Variants in DMD observed in about 807,000 individuals in gnomAD.
DMD encodes the protein mutant dystrophin.
In DMD, 63 loss-of-function variants were observed where a neutral mutation model predicts 330.1. The ratio of observed to expected loss-of-function variants is 0.19; its 90% confidence interval spans 0.16 to 0.24. The LOEUF is 0.24. Among genes scored for constraint, DMD ranks in the 10% least tolerant of loss-of-function variants. The probability of loss-of-function intolerance (pLI) is 1.00; values close to 1 mark genes in which losing one functional copy is unlikely to be tolerated. For missense variants in DMD, 3,344 were observed against 2,684.1 expected, an observed-to-expected ratio of 1.25 and a Z score of -5.43; for synonymous variants, 1,223 against 959.8, an observed-to-expected ratio of 1.27 and a Z score of -5.07.
intron 12 of DMD, among the ~76,000 whole-genome samples, chrX:32,607,429 T>A (rs1231130258): frequency 9.9e-6 from 1 of 101,077 alleles, no homozygotes; most frequent in Non-Finnish European, 2.1e-5. Flanking sequence ...AGTGCTTTTT[T>A]AGTCTTACTA....
intron 7 of DMD, among the ~76,000 whole-genome samples, chrX:32,745,721 G>A (rs1189786963): frequency 8.9e-6 from 1 of 111,964 alleles, no homozygotes; most frequent in East Asian, 2.8e-4. Context: ...GTTTTCTCGA[G>A]GTAGTCATAA....
intron 57 of DMD, among the ~76,000 whole-genome samples, chrX:31,485,342 G>A (rs1375258884): frequency 5.4e-5 from 6 of 110,959 alleles, no homozygotes; most frequent in Admixed American, 9.6e-5. Flanking sequence ...CTACAGGCAC[G>A]CGCCACCACA....
intron 12 of DMD, among the ~76,000 whole-genome samples, chrX:32,597,271 T>G (rs1213966780): frequency 8.9e-6 from 1 of 111,905 alleles, no homozygotes; most frequent in African/African-American, 3.3e-5. Flanking sequence ...CACTACTCAA[T>G]AATTTCTTAT....
chrX:32,676,693 A>G (rs2061993855), intron 9 of DMD, among the ~76,000 whole-genome samples: 1 of 111,709 alleles, frequency 9.0e-6, no homozygotes, highest in African/African-American at 3.2e-5. Flanking sequence ...TTACAAGCTC[A>G]GTTAACATTC....
At chrX:33,123,459 C>T (rs1049691691) in intron 1 of DMD, among the ~76,000 whole-genome samples, 1 of 111,157 alleles carries the variant, frequency 9.0e-6, no homozygotes, top group Non-Finnish European at 1.9e-5. Context: ...CTCTGTCGCC[C>T]AGGCTGGAGT....
At chrX:31,362,302 T>C (rs956704984) in intron 60 of DMD, among the ~76,000 whole-genome samples, 2 of 112,228 alleles carry the variant, frequency 1.8e-5, no homozygotes, top group Non-Finnish European at 3.8e-5. Context: ...TTGAAACTTT[T>C]TGAGTACTGA....
rs1258017567 is a variant in DMD, at chrX:32,042,186, C to CAT, written c.6439-73674_6439-73673dup. Among the ~76,000 whole-genome samples, 162 of 38,101 alleles carry CAT rather than the reference C, an allele frequency of 4.3e-3. 3 individuals carry two copies. The highest frequency in any genetic ancestry group is 0.019 in the African/African-American group (149 of 8,030). 33.1% of individuals were successfully genotyped at this position (38,101 alleles called of 115,157 possible). On this transcript the variant is annotated intron_variant, in intron 44 of 78. Coordinates refer to ENST00000357033, the MANE Select transcript of DMD (RefSeq NM_004006.3). ...ACACATATGTATACATATATACATA[C>CAT]ATATACACACACACACACATACACA...
intron 63 of DMD, among the ~76,000 whole-genome samples, chrX:31,233,648 C>G (rs965147352): frequency 8.9e-6 from 1 of 111,803 alleles, no homozygotes; most frequent in Non-Finnish European, 1.9e-5. Flanking sequence ...AGTAAATTTC[C>G]TCATCTGCTT....
chrX:32,424,281 T>G (rs1206754604), intron 29 of DMD, among the ~76,000 whole-genome samples: 3 of 110,539 alleles, frequency 2.7e-5, no homozygotes, highest in Non-Finnish European at 5.7e-5. Context: ...CCAATATCCT[T>G]TTTACTACTT....
chrX:31,764,959 A>G (rs1283866548), intron 51 of DMD, among the ~76,000 whole-genome samples: 2 of 111,639 alleles, frequency 1.8e-5, no homozygotes, highest in African/African-American at 3.2e-5. Flanking sequence ...TTATAAATCG[A>G]ATAAGAAATT....
chrX:31,393,265 C>G (rs1294770328), intron 60 of DMD, among the ~76,000 whole-genome samples: 1 of 110,904 alleles, frequency 9.0e-6, no homozygotes, highest in East Asian at 2.8e-4. Context: ...ATCACAAGAT[C>G]AGGAGTTCGA....
chrX:32,877,481 A>G (rs1413187590), intron 2 of DMD, among the ~76,000 whole-genome samples: 1 of 112,286 alleles, frequency 8.9e-6, no homozygotes, highest in Non-Finnish European at 1.9e-5. Flanking sequence ...GAGATGTTTC[A>G]AAATTATTCA....
intron 41 of DMD, among the ~76,000 whole-genome samples, chrX:32,339,029 A>G (rs1368682152): frequency 8.9e-6 from 1 of 112,333 alleles, no homozygotes; most frequent in Admixed American, 9.5e-5. Flanking sequence ...GATTATGTCT[A>G]TTTTCCAATG....
Position 33,202,614 on chromosome X carries a change from TC to T in DMD, c.31+8667del, listed in dbSNP as rs767622234. Among the ~76,000 whole-genome samples, 31 of 112,021 alleles carry T rather than the reference TC, an allele frequency of 2.8e-4. No individual in the cohort carries two copies. The East Asian group carries it at 7.9e-3, about 28-fold the overall frequency. On this transcript the variant is annotated intron_variant, in intron 1 of 78. Coordinates refer to ENST00000357033, the MANE Select transcript of DMD (RefSeq NM_004006.3). ...GTAAGACAGATCAATGTTTCATTAA[TC>T]CTTTTTGCCTCACTGCTTCTTGCAA...
intron 17 of DMD, among the ~76,000 whole-genome samples, chrX:32,529,682 C>A (rs922825363): frequency 1.8e-5 from 2 of 110,997 alleles, no homozygotes; most frequent in Admixed American, 1.9e-4. Flanking sequence ...CTGAGATCAG[C>A]TTTGCTTATA....
intron 2 of DMD, among the ~76,000 whole-genome samples, chrX:32,864,217 G>A (rs1228001515): frequency 8.9e-6 from 1 of 111,946 alleles, no homozygotes; most frequent in African/African-American, 3.2e-5. Context: ...ACTTTTTGTG[G>A]GTTGTTTTAA....
chrX:31,703,956 T>C (rs762831746), intron 52 of DMD, among the ~76,000 whole-genome samples: 4 of 110,185 alleles, frequency 3.6e-5, no homozygotes, highest in Non-Finnish European at 7.6e-5. Flanking sequence ...AAGGAAGGAG[T>C]ATGAAAGACA....
chrX:33,082,414 G>C (rs925671823), intron 1 of DMD, among the ~76,000 whole-genome samples: 2 of 112,244 alleles, frequency 1.8e-5, no homozygotes, highest in Non-Finnish European at 3.8e-5. Context: ...AGGTAGTCCA[G>C]AGAAAGGAAA....
In DMD at chrX:32,362,797, C is replaced by G; in HGVS notation, c.5316G>C (p.Lys1772Asn). ...HRFAAISHRIKTGKASIPLKE... is the reference protein window; with the variant it reads ...HRFAAISHRINTGKASIPLKE... ...GAGTAGATCTTCCTACCTTTCCAGT[C>G]TTAATTCTGTGTGAAATGGCTGCAA... The change falls in exon 37 of 79, where the codon AAG (lysine) becomes AAC (asparagine). Residue 1772 changes from lysine (K) to asparagine (N), a missense_variant. Lys to Asn is a moderately conservative substitution (Grantham distance 94, BLOSUM62 0). Transcript: ENST00000357033. 8.3e-7 allele frequency: 1 copy of G among 1,211,219 alleles called. No individual in the cohort carries two copies. Among genetic ancestry groups the G allele is most frequent in the Non-Finnish European group, 1.1e-6 (1 of 895,344 alleles).
Sources: gnomAD v4.1 joint callset for allele counts (sites outside exome capture counted in the v4.1 genomes callset) on GRCh38, gnomAD v4.1.1 for gene constraint, MANE v1.5 for transcripts, NCBI Gene and HGNC (gene_info 2026-07-23, HGNC 2026-07-21) for gene names.